SLC26A8: variants seen among roughly 807,000 people sequenced by gnomAD.
SLC26A8 encodes the protein testis anion transporter 1.
A neutral mutation model predicts 105.0 loss-of-function variants in SLC26A8; 70 were observed. The observed-to-expected ratio is 0.67, with a 90% confidence interval of 0.55 to 0.81. The LOEUF is 0.81. SLC26A8 is among the 40% of genes least tolerant of loss of function. SLC26A8 has a pLI of 0.00. For missense variants in SLC26A8, 998 were observed against 1,181.8 expected, an observed-to-expected ratio of 0.84 and a Z score of 2.28; for synonymous variants, 415 against 438.3, an observed-to-expected ratio of 0.95 and a Z score of 0.66.
intron 2 of SLC26A8, among the ~76,000 whole-genome samples, chr6:36,018,458 T>C (rs866034281): frequency 3.9e-5 from 6 of 152,046 alleles, no homozygotes; most frequent in African/African-American, 1.4e-4. Flanking sequence ...ATAGCTAGAA[T>C]AGGCAAATTC....
chr6:35,996,024 G>C (rs548179051), intron 5 of SLC26A8, among the ~76,000 whole-genome samples: 10 of 152,200 alleles, frequency 6.6e-5, no homozygotes, highest in Non-Finnish European at 1.3e-4. Flanking sequence ...ATAACTTATT[G>C]ATGCTTACTA....
Position 35,981,266 on chromosome 6 carries a change from T to C in SLC26A8, c.1025+855A>G, listed in dbSNP as rs959570912. Among the ~76,000 whole-genome samples, 3 of 152,196 alleles carry C rather than the reference T, an allele frequency of 2.0e-5. No individual in the cohort carries two copies. Among genetic ancestry groups the C allele is most frequent in the African/African-American group, 2.4e-5 (1 of 41,450 alleles). On this transcript the variant is annotated intron_variant, in intron 8 of 19. Transcript: ENST00000490799. The surrounding 1 kb of genome is among the most constrained non-coding windows in gnomAD (Gnocchi z 4.0). ...TGGTAGGAATTATAATGTAAATTGA[T>C]TGTGAGTCCTTAAGAACTCCATATG...
intron 17 of SLC26A8, among the ~76,000 whole-genome samples, chr6:35,954,665 C>T (rs1261383127): frequency 6.6e-6 from 1 of 152,204 alleles, no homozygotes; most frequent in Non-Finnish European, 1.5e-5. Flanking sequence ...TCATTTTAGG[C>T]TGGGCATGGT....
Position 35,944,084 on chromosome 6 carries a change from A to ATCTCAGGCTCAG in SLC26A8, c.2717_2728dup (p.Thr906_Glu909dup). 1 of 1,614,026 alleles carries ATCTCAGGCTCAG rather than the reference A, an allele frequency of 6.2e-7. No homozygotes were observed. Among genetic ancestry groups the ATCTCAGGCTCAG allele is most frequent in the Non-Finnish European group, 8.5e-7 (1 of 1,179,998 alleles). On this transcript the variant is annotated inframe_insertion, in exon 20 of 20. Transcript: ENST00000490799. ...TGGCCTAGATTTGGGGTTGGGCTCC[A>ATCTCAGGCTCAG]TCTCAGGCTCAGTCTCAGGCTGGGG... is the stretch of plus-strand genomic sequence containing the variant.
rs1772021665 is a variant in SLC26A8, at chr6:35,955,400, G to A, written c.1984C>T (p.Pro662Ser). 5 of 1,614,192 alleles carry A rather than the reference G, an allele frequency of 3.1e-6. No homozygotes were observed. The highest frequency in any genetic ancestry group is 4.2e-6 in the Non-Finnish European group (5 of 1,180,044). Residue 662 changes from proline to serine, a missense_variant, in exon 17 of 20, where the codon CCA becomes TCA. Transcript: ENST00000490799. ...TGAGACACGGACGATACTGTGTATGGCACTTGGTCTTCGGATGCAGTTTGG... is the reference window on the plus strand; with the variant it reads ...TGAGACACGGACGATACTGTGTATGACACTTGGTCTTCGGATGCAGTTTGG... ...TSQTASEDQV[P>S]YTVSSVSQKN...
intron 11 of SLC26A8, among the ~76,000 whole-genome samples, chr6:35,966,052 G>A (rs567064107): frequency 6.6e-6 from 1 of 151,628 alleles, no homozygotes; most frequent in Non-Finnish European, 1.5e-5. Flanking sequence ...TCCTGTATTG[G>A]TTTAATTTCT....
At chr6:35,989,816 T>C (rs1429297719) in intron 7 of SLC26A8, 1 of 152,460 alleles carries the variant, frequency 6.6e-6, no homozygotes, top group Non-Finnish European at 1.5e-5. Context: ...TGGTCTTGAC[T>C]CTATCCTCAG....
At chr6:35,992,138 AC>A (rs1238423025) in intron 6 of SLC26A8, among the ~76,000 whole-genome samples, 3 of 152,202 alleles carry the variant, frequency 2.0e-5, no homozygotes, top group African/African-American at 7.2e-5. Flanking sequence ...CCCTATTCTT[AC>A]ATTTAGGAAC....
chr6:35,946,151 C>T (rs1771649933), intron 19 of SLC26A8, among the ~76,000 whole-genome samples: 1 of 152,258 alleles, frequency 6.6e-6, no homozygotes, highest in Non-Finnish European at 1.5e-5. Flanking sequence ...TGGTTATAAC[C>T]CTTCCCCTGA....
chr6:35,997,983 AG>A, intron 4 of SLC26A8, 64 bp from the exon 5 acceptor site: 1 of 1,465,998 alleles, frequency 6.8e-7, no homozygotes, highest in Non-Finnish European at 9.4e-7. Context: ...TATTGACAAA[AG>A]CAAGGTATGG....
chr6:35,968,609 G>GTGTGTGTGTGTATATA (rs1168496588), intron 11 of SLC26A8, among the ~76,000 whole-genome samples: 1 of 60,090 alleles, frequency 1.7e-5, no homozygotes, highest in East Asian at 7.2e-4. Flanking sequence ...GTGTGTGTGT[G>GTGTGTGTGTGTATATA]TATATATATA....
At chr6:35,994,577 CT>C (rs35718010) in intron 5 of SLC26A8, among the ~76,000 whole-genome samples, 1,684 of 131,962 alleles carry the variant, frequency 0.013, 27 homozygotes, top group African/African-American at 0.043. Flanking sequence ...TGCATCATCT[CT>C]TTTTTTTTTT....
At chr6:35,951,924 A>AT (rs1771891573) in intron 17 of SLC26A8, among the ~76,000 whole-genome samples, 1 of 152,114 alleles carries the variant, frequency 6.6e-6, no homozygotes, top group Non-Finnish European at 1.5e-5. Flanking sequence ...GTCTGGGGGT[A>AT]TATGTACCTT....
At chr6:36,013,609 C>G (rs1761921645) in intron 2 of SLC26A8, among the ~76,000 whole-genome samples, 1 of 152,124 alleles carries the variant, frequency 6.6e-6, no homozygotes, top group Non-Finnish European at 1.5e-5. Context: ...TTGAGAAAAC[C>G]TGCTTTAACT....
chr6:35,951,984 C>T (rs1408204322), intron 17 of SLC26A8, among the ~76,000 whole-genome samples: 3 of 152,026 alleles, frequency 2.0e-5, no homozygotes, highest in Non-Finnish European at 4.4e-5. Flanking sequence ...TTCTCTATGC[C>T]GGAAAACATC....
chr6:35,986,036 T>C (rs1773508357), intron 7 of SLC26A8, among the ~76,000 whole-genome samples: 1 of 138,426 alleles, frequency 7.2e-6, no homozygotes, highest in South Asian at 2.5e-4. Flanking sequence ...TTTTTTTTTT[T>C]TTTTTTTTTT....
intron 7 of SLC26A8, among the ~76,000 whole-genome samples, chr6:35,985,140 C>T (rs945708882): frequency 6.6e-6 from 1 of 152,108 alleles, no homozygotes; most frequent in Non-Finnish European, 1.5e-5. Flanking sequence ...TGGAAGCCCC[C>T]ACCCCTTCAA....
chr6:36,003,893 C>A (rs1264701326), intron 3 of SLC26A8, among the ~76,000 whole-genome samples: 2 of 151,922 alleles, frequency 1.3e-5, no homozygotes, highest in African/African-American at 4.8e-5. Flanking sequence ...GATCTCCTGA[C>A]CTCATGATCT....
chr6:35,955,386 C>A lies in SLC26A8; in HGVS notation c.1998G>T (p.Ser666=). 6.2e-7 allele frequency: 1 copy of A among 1,614,138 alleles called. No homozygotes were observed. The highest frequency in any genetic ancestry group is 8.5e-7 in the Non-Finnish European group (1 of 1,180,020). The change falls in exon 17 of 20, where the codon TCG becomes TCT. Residue 666 remains serine (S), a synonymous_variant. Coordinates refer to ENST00000490799, the MANE Select transcript of SLC26A8 (RefSeq NM_052961.4). The part of the protein sequence containing the change: ...ASEDQVPYTV[S]SVSQKNQGQQ... ...GCCCTTGATTTTTCTGAGACACGGA[C>A]GATACTGTGTATGGCACTTGGTCTT...
Sources: allele counts gnomAD v4.1 joint callset (sites outside exome capture counted in the v4.1 genomes callset), GRCh38; gene constraint gnomAD v4.1.1; non-coding constraint Gnocchi (gnomAD v3.1); transcripts MANE v1.5; gene names NCBI Gene and HGNC (gene_info 2026-07-23, HGNC 2026-07-21).